OXR1: variants seen among roughly 807,000 people sequenced by gnomAD.
OXR1 encodes the protein oxidation resistance 1, also known as oxidation resistance protein 1.
In OXR1, 41 loss-of-function variants were observed where a neutral mutation model predicts 104.6. The ratio of observed to expected loss-of-function variants is 0.39; its 90% confidence interval spans 0.31 to 0.51. OXR1 has a LOEUF of 0.51. Among genes scored for constraint, OXR1 ranks in the 20% least tolerant of loss-of-function variants. OXR1 has a pLI of 0.77. For missense variants in OXR1, 955 were observed against 1,031.9 expected (o/e 0.93, Z 1.02); for synonymous variants, 348 against 348.4 (o/e 1.00, Z 0.01).
intron 6 of OXR1, among the ~76,000 whole-genome samples, chr8:106,689,439 T>G (rs969404697): frequency 2.6e-5 from 4 of 152,078 alleles, no homozygotes; most frequent in Admixed American, 2.0e-4. Context: ...TCAAATAAGG[T>G]CACATTCTGA....
chr8:106,321,078 T>C (rs1341609521), intron 1 of OXR1, among the ~76,000 whole-genome samples: 1 of 152,246 alleles, frequency 6.6e-6, no homozygotes, highest in Non-Finnish European at 1.5e-5. Flanking sequence ...TAGTACTTCA[T>C]GTAACAAGAG....
At chr8:106,558,053 T>A (rs193190834) in intron 3 of OXR1, among the ~76,000 whole-genome samples, 2 of 152,332 alleles carry the variant, frequency 1.3e-5, no homozygotes, top group Non-Finnish European at 2.9e-5. Flanking sequence ...ACTGAGTAGA[T>A]TTTTTTAACT....
chr8:106,444,799 T>C (rs909059912), intron 2 of OXR1, among the ~76,000 whole-genome samples: 2 of 152,086 alleles, frequency 1.3e-5, no homozygotes, highest in African/African-American at 4.8e-5. Context: ...ATGTATCCCA[T>C]TTTTTAAAGA....
intron 3 of OXR1, among the ~76,000 whole-genome samples, chr8:106,554,044 A>G (rs896767026): frequency 3.9e-5 from 6 of 152,194 alleles, no homozygotes; most frequent in African/African-American, 1.2e-4. Context: ...GTAACATCCA[A>G]GTCCCAGGAT....
chr8:106,379,605 C>A (rs1459847652), intron 2 of OXR1, among the ~76,000 whole-genome samples: 2 of 130,348 alleles, frequency 1.5e-5, no homozygotes, highest in African/African-American at 6.0e-5. Context: ...GTAGTGCTAT[C>A]TCAGACACTG....
chr8:106,281,752 A>T (rs980298852), intron 1 of OXR1, among the ~76,000 whole-genome samples: 7 of 148,150 alleles, frequency 4.7e-5, no homozygotes, highest in Non-Finnish European at 7.4e-5. Context: ...GTAAGCAGAG[A>T]TCGTGCCACT....
intron 3 of OXR1, among the ~76,000 whole-genome samples, chr8:106,648,126 T>C (rs1824242159): frequency 6.6e-6 from 1 of 152,220 alleles, no homozygotes; most frequent in Admixed American, 6.5e-5. Context: ...ATAGTTTTAG[T>C]GAATCAGGAA....
At chr8:106,618,465 G>A (rs1328372036) in intron 3 of OXR1, among the ~76,000 whole-genome samples, 1 of 152,178 alleles carries the variant, frequency 6.6e-6, no homozygotes, top group East Asian at 1.9e-4. Context: ...ATGATTTGCT[G>A]TAGATACTGC....
chr8:106,558,719 C>A (rs1039664960), intron 3 of OXR1, among the ~76,000 whole-genome samples: 1 of 152,128 alleles, frequency 6.6e-6, no homozygotes, highest in Non-Finnish European at 1.5e-5. Flanking sequence ...AACCGAAAAT[C>A]TTTTCCAAAA....
At chr8:106,387,442 T>C in intron 2 of OXR1, among the ~76,000 whole-genome samples, 1 of 152,214 alleles carries the variant, frequency 6.6e-6, no homozygotes. Flanking sequence ...AGAAACCTCA[T>C]GCTACGTTCT....
At position 106,683,111 on chromosome 8, in the gene OXR1, G is replaced by T. The variant is rs78868714; in HGVS notation, c.304-88G>T. 251 of 615,824 alleles carry T rather than the reference G, an allele frequency of 4.1e-4. 2 individuals are homozygous for T. In the African/African-American group the frequency reaches 4.1e-3, roughly 10 times the overall value. 38.1% of individuals were successfully genotyped at this position (615,824 alleles called of 1,614,324 possible). A position where few individuals can be genotyped will look rare whatever the true frequency, so the allele number is the denominator to read the frequency against. On this transcript the variant is annotated intron_variant, in intron 4 of 16. Transcript: ENST00000517566. ...CCAGTTGTTAATCAAATGTAAGCTGGTCCCTAGATATATTAATGCTCATTA... is the reference window on the plus strand; with the variant it reads ...CCAGTTGTTAATCAAATGTAAGCTGTTCCCTAGATATATTAATGCTCATTA...
intron 2 of OXR1, among the ~76,000 whole-genome samples, chr8:106,403,995 T>G (rs367728315): frequency 1.3e-5 from 2 of 152,294 alleles, no homozygotes; most frequent in South Asian, 4.1e-4. Context: ...TCTAGCATTG[T>G]CTTGCATGTG....
intron 7 of OXR1, among the ~76,000 whole-genome samples, chr8:106,700,612 T>C (rs1025034508): frequency 1.3e-5 from 2 of 152,310 alleles, no homozygotes; most frequent in East Asian, 1.9e-4. Context: ...ACTCATGGTT[T>C]TGAGATGCTT....
chr8:106,407,265 A>G (rs1818280666), intron 2 of OXR1, among the ~76,000 whole-genome samples: 1 of 152,198 alleles, frequency 6.6e-6, no homozygotes, highest in East Asian at 1.9e-4. Context: ...TTAATTCACC[A>G]TCAGTGTAAT....
rs1326882350 is a variant in OXR1 at position 106,662,836 on chromosome 8, A to AT, written c.221-16373dup. 2.4e-3 allele frequency among the ~76,000 whole-genome samples: 322 copies of AT among 132,672 alleles called. 4 individuals are homozygous for AT. Among genetic ancestry groups the AT allele is most frequent in the Admixed American group, 0.022 (276 of 12,338 alleles). 87.0% of individuals were successfully genotyped at this position (132,672 alleles called of 152,430 possible). ...TTGGGGGTAATGTCTATTTCAGTAA[A>AT]TGGGATGATGATGATGATGATGATG... On this transcript the variant is annotated intron_variant, in intron 3 of 16. Transcript: ENST00000517566.
chr8:106,453,262 A>T (rs1465121855), intron 2 of OXR1, among the ~76,000 whole-genome samples: 1 of 151,722 alleles, frequency 6.6e-6, no homozygotes, highest in Non-Finnish European at 1.5e-5. Flanking sequence ...ACCTGGGAAG[A>T]CTCTTCTTTG....
chr8:106,328,110 C>T (rs1442805825), intron 1 of OXR1, among the ~76,000 whole-genome samples: 2 of 152,184 alleles, frequency 1.3e-5, no homozygotes, highest in Non-Finnish European at 2.9e-5. Flanking sequence ...CATTTTCAGG[C>T]ACCACATGGC....
At chr8:106,498,236 T>C (rs1811543695) in intron 2 of OXR1, among the ~76,000 whole-genome samples, 1 of 152,194 alleles carries the variant, frequency 6.6e-6, no homozygotes. Context: ...TATCTACACT[T>C]ATTAACACCA....
chr8:106,620,202 C>T (rs2130840797), intron 3 of OXR1, among the ~76,000 whole-genome samples: 1 of 152,238 alleles, frequency 6.6e-6, no homozygotes, highest in East Asian at 1.9e-4. Flanking sequence ...ATACCCTCTG[C>T]AGTTACTAGT....
Sources: allele counts gnomAD v4.1 joint callset (sites outside exome capture counted in the v4.1 genomes callset), GRCh38; gene constraint gnomAD v4.1.1; transcripts MANE v1.5; gene names NCBI Gene and HGNC (gene_info 2026-07-23, HGNC 2026-07-21).